CD163: variants seen among roughly 807,000 people sequenced by gnomAD.
CD163 encodes CD163 molecule, also known as scavenger receptor cysteine-rich type 1 protein M130.
CD163 carries 64 observed loss-of-function variants against 129.2 expected under a neutral mutation model. That is an observed-to-expected ratio of 0.50 (90% CI 0.41 to 0.61). The LOEUF (loss-of-function observed/expected upper bound fraction) is 0.61, where lower values mean the gene tolerates loss of function less well. CD163 is among the 20% of genes least tolerant of loss of function. The pLI is 0.00. For synonymous variants in CD163, 446 were observed against 478.5 expected, an observed-to-expected ratio of 0.93 and a Z score of 0.89; for missense variants, 1,061 against 1,377.9, an observed-to-expected ratio of 0.77 and a Z score of 3.64.
At chr12:7,477,525 G>A (rs1296741502) in intron 16 of CD163, among the ~76,000 whole-genome samples, 1 of 152,110 alleles carries the variant, frequency 6.6e-6, no homozygotes, top group East Asian at 1.9e-4. Context: ...TCATAAGTTG[G>A]AGTTGAACAA....
At chr12:7,486,846 C>T in intron 9 of CD163, 33 bp from the exon 10 acceptor site, 1 of 1,604,416 alleles carries the variant, frequency 6.2e-7, no homozygotes. Context: ...TAATAATGAG[C>T]ATTCCACTTG....
intron 4 of CD163, among the ~76,000 whole-genome samples, chr12:7,498,148 G>C (rs11054181): frequency 0.25 from 35,022 of 140,648 alleles, 3,951 homozygotes; most frequent in African/African-American, 0.3. Context: ...CACACACACA[G>C]AGAGAGAGAG....
chr12:7,482,569 G>C (rs1949176268), intron 14 of CD163, 74 bp downstream of exon 14: 5 of 1,484,614 alleles, frequency 3.4e-6, no homozygotes, highest in Non-Finnish European at 4.6e-6. Context: ...CATTAGACTT[G>C]AGTCTAATAT....
At chr12:7,483,053 G>A (rs1367165334) in intron 12 of CD163, 49 bp from the exon 13 acceptor site, 2 of 1,569,870 alleles carry the variant, frequency 1.3e-6, no homozygotes, top group Non-Finnish European at 1.7e-6. Context: ...ATGATATATA[G>A]AACAAGCCTT....
chr12:7,476,570 G>A (rs867790209), intron 16 of CD163, among the ~76,000 whole-genome samples: 2 of 151,900 alleles, frequency 1.3e-5, no homozygotes, highest in East Asian at 1.9e-4. Context: ...TCCTTACACC[G>A]TATACAAAAA....
intron 16 of CD163, among the ~76,000 whole-genome samples, chr12:7,472,850 C>G (rs781553195): frequency 6.6e-6 from 1 of 152,252 alleles, no homozygotes; most frequent in South Asian, 2.1e-4. Context: ...GAACTGCTAA[C>G]TAGAATAACC....
At position 7,503,699 on chromosome 12, in the gene CD163, T is replaced by C; in HGVS notation, c.-9A>G. 1 of 1,565,442 alleles carries C rather than the reference T, an allele frequency of 6.4e-7. No individual in the cohort carries two copies. The highest frequency in any genetic ancestry group is 8.8e-7 in the Non-Finnish European group (1 of 1,140,400). ...ATTCTGAGTTTGCTCATTCCAAAGA[T>C]TTATAACTTCAATGATTCCTAAATC... On this transcript the variant is annotated 5_prime_UTR_variant, in exon 1 of 17. Coordinates refer to ENST00000432237, the MANE Select transcript of CD163 (RefSeq NM_203416.4).
rs567350690 is a variant in CD163, at chr12:7,487,470, T to C, written c.1939A>G (p.Arg647Gly). ...GTCCCAGTGCAGTGAAACATATGCC[T>C]CCAGATCTGACCATTTCCTTTTCCA... ...RFGKGNGQIW[R>G]HMFHCTGTEQ... Residue 647 changes from arginine (R) to glycine (G), a missense_variant, in exon 8 of 17, where the codon AGG becomes GGG. By Grantham distance (125) the Arg-to-Gly change is moderately radical. Coordinates refer to ENST00000432237, the MANE Select transcript of CD163 (RefSeq NM_203416.4). This position sits in a 1 kb window ranked among gnomAD's most constrained non-coding sequence, Gnocchi z 5.1. 10 of 1,614,096 alleles carry C rather than the reference T, an allele frequency of 6.2e-6. No homozygotes were observed. Among genetic ancestry groups the C allele is most frequent in the African/African-American group, 1.3e-5 (1 of 75,026 alleles).
At chr12:7,479,456 A>C (rs1173973682) in intron 16 of CD163, among the ~76,000 whole-genome samples, 2 of 152,086 alleles carry the variant, frequency 1.3e-5, no homozygotes, top group African/African-American at 4.8e-5. Context: ...ATATCATATC[A>C]TCTTACAACA....
In CD163 at chr12:7,485,283, G is replaced by A. The variant is rs1472397645; in HGVS notation, c.2592C>T (p.Cys864=). Residue 864 remains cysteine (C), a synonymous_variant, in exon 11 of 17, where the codon TGC becomes TGT. Transcript: ENST00000432237. This position sits in a 1 kb window ranked among gnomAD's most constrained non-coding sequence, Gnocchi z 4.5. ...SMSETTVGVV[C]RQLGCADKGK... ...CTTTGTCTGCACAGCCCAGCTGCCTGCACACCACACCCACAGTGGTTTCAG... is the reference window on the plus strand; with the variant it reads ...CTTTGTCTGCACAGCCCAGCTGCCTACACACCACACCCACAGTGGTTTCAG... 6.2e-7 allele frequency: 1 copy of A among 1,614,204 alleles called. No homozygotes were observed.
chr12:7,487,058 T>G lies in CD163; in HGVS notation c.2051-72A>C. 8.5e-7 allele frequency: 1 copy of G among 1,171,996 alleles called. No homozygotes were observed. The highest frequency in any genetic ancestry group is 1.3e-6 in the Non-Finnish European group (1 of 793,842). The allele number at this position is 1,171,996 out of a possible 1,614,324, so 72.6% of individuals were successfully genotyped here. On this transcript the variant is annotated intron_variant, in intron 8 of 16. Coordinates refer to ENST00000432237, the MANE Select transcript of CD163 (RefSeq NM_203416.4). This position sits in a 1 kb window ranked among gnomAD's most constrained non-coding sequence, Gnocchi z 5.1. ...GGAGTCAGATGAAATGTTATATGGATGAGTTGAGGACAAACATAGCTTAGA... is the reference window on the plus strand; with the variant it reads ...GGAGTCAGATGAAATGTTATATGGAGGAGTTGAGGACAAACATAGCTTAGA...
At chr12:7,490,846 C>G (rs1472824085) in intron 6 of CD163, among the ~76,000 whole-genome samples, 1 of 151,986 alleles carries the variant, frequency 6.6e-6, no homozygotes, top group Non-Finnish European at 1.5e-5. Flanking sequence ...ATGTTGCTTT[C>G]TAAACATAGC....
At chr12:7,498,146 C>CACACAGAG (rs537347284) in intron 4 of CD163, among the ~76,000 whole-genome samples, 1 of 148,860 alleles carries the variant, frequency 6.7e-6, no homozygotes, top group African/African-American at 2.5e-5. Flanking sequence ...CACACACACA[C>CACACAGAG]AGAGAGAGAG....
chr12:7,487,035 A>G lies in CD163; in HGVS notation c.2051-49T>C, dbSNP rs773472121. On this transcript the variant is annotated intron_variant, in intron 8 of 16. Transcript: ENST00000432237. The surrounding 1 kb of genome is among the most constrained non-coding windows in gnomAD (Gnocchi z 5.1). ...CATACAAGACACAAAAGGTTAGGGG[A>G]GTCAGATGAAATGTTATATGGATGA... 3 of 1,432,258 alleles carry G rather than the reference A, an allele frequency of 2.1e-6. No homozygotes were observed. Among genetic ancestry groups the G allele is most frequent in the Non-Finnish European group, 2.9e-6 (3 of 1,021,288 alleles). The allele number at this position is 1,432,258 out of a possible 1,614,324, so 88.7% of individuals were successfully genotyped here. A position where few individuals can be genotyped will look rare whatever the true frequency, so the allele number is the denominator to read the frequency against.
intron 14 of CD163, among the ~76,000 whole-genome samples, chr12:7,481,816 C>T (rs1390516369): frequency 1.3e-5 from 2 of 152,236 alleles, no homozygotes; most frequent in African/African-American, 4.8e-5. Flanking sequence ...TCTCTCCTCA[C>T]ACTCAACTTT....
In CD163 at chr12:7,496,091, A is replaced by G. The variant is rs938179761; in HGVS notation, c.1100-690T>C. On this transcript the variant is annotated intron_variant, in intron 5 of 16. Transcript: ENST00000432237. The surrounding 1 kb of genome is among the most constrained non-coding windows in gnomAD (Gnocchi z 4.8). ...GAACCAACCCAAATGCCCATCAATAATAGACTGGATAAAGAAAATGTGGTA... is the reference window on the plus strand; with the variant it reads ...GAACCAACCCAAATGCCCATCAATAGTAGACTGGATAAAGAAAATGTGGTA... Among the ~76,000 whole-genome samples, 1 of 152,250 alleles carries G rather than the reference A, an allele frequency of 6.6e-6. No homozygotes were observed. The highest frequency in any genetic ancestry group is 2.1e-4 in the South Asian group (1 of 4,834).
intron 16 of CD163, among the ~76,000 whole-genome samples, chr12:7,475,184 T>C (rs1384131434): frequency 6.6e-6 from 1 of 151,302 alleles, no homozygotes; most frequent in Non-Finnish European, 1.5e-5. Flanking sequence ...TACCATTCCT[T>C]CTGAAACTAT....
At chr12:7,473,168 A>G (rs1210832031) in intron 16 of CD163, 1 of 152,240 alleles carries the variant, frequency 6.6e-6, no homozygotes, top group Non-Finnish European at 1.5e-5. Flanking sequence ...ATTATCCAGG[A>G]GAACTTCCAC....
rs1342375346 is a variant in CD163 at position 7,483,454 on chromosome 12, T to G, written c.3001A>C (p.Asn1001His). Residue 1001 changes from asparagine to histidine, a missense_variant, in exon 12 of 17, where the codon AAT becomes CAT. Transcript: ENST00000432237. ...IWLNEVKCKG[N>H]ESSLWDCPAR... The stretch of plus-strand genomic sequence containing the variant: ...GGACAATCCCACAAGGAAGACTCAT[T>G]CCCTTTGCACTTCACTTCATTGAGC... 16 of 1,613,978 alleles carry G rather than the reference T, an allele frequency of 9.9e-6. No homozygotes were observed. In the Admixed American group the frequency reaches 2.7e-4, roughly 27 times the overall value.
Sources: gnomAD v4.1 joint callset for allele counts (sites outside exome capture counted in the v4.1 genomes callset) on GRCh38, gnomAD v4.1.1 for gene constraint, Gnocchi (gnomAD v3.1) non-coding constraint, MANE v1.5 for transcripts, NCBI Gene and HGNC (gene_info 2026-07-23, HGNC 2026-07-21) for gene names.